PARN: variants seen among roughly 807,000 people sequenced by gnomAD.
PARN encodes the protein poly(A)-specific ribonuclease.
A neutral mutation model predicts 102.8 loss-of-function variants in PARN; 71 were observed. The ratio of observed to expected loss-of-function variants is 0.69; its 90% confidence interval spans 0.57 to 0.84. The LOEUF (loss-of-function observed/expected upper bound fraction) is 0.84. PARN is among the 40% of genes least tolerant of loss of function. PARN has a pLI of 0.00. For missense variants in PARN, 782 were observed against 760.9 expected (o/e 1.03, Z -0.33); for synonymous variants, 261 against 252.9 (o/e 1.03, Z -0.30).
intron 2 of PARN, among the ~76,000 whole-genome samples, chr16:14,629,076 T>C (rs1356947398): frequency 6.6e-6 from 1 of 152,172 alleles, no homozygotes; most frequent in Non-Finnish European, 1.5e-5. Context: ...TATGAGATGT[T>C]AAGGGCAGTC....
chr16:14,582,932 G>A (rs1446128669), intron 16 of PARN, among the ~76,000 whole-genome samples: 2 of 152,056 alleles, frequency 1.3e-5, no homozygotes, highest in Non-Finnish European at 2.9e-5. Flanking sequence ...AATACCTGAG[G>A]CAACCCTCCC....
intron 21 of PARN, among the ~76,000 whole-genome samples, chr16:14,514,343 C>A (rs530563565): frequency 3.9e-5 from 6 of 152,234 alleles, no homozygotes; most frequent in African/African-American, 1.4e-4. Context: ...CACCACCATG[C>A]CTGGCTAGTT....
In PARN at chr16:14,447,026, C is replaced by G. The variant is rs1961232996; in HGVS notation, c.1726G>C (p.Ala576Pro). ...KRNLSPSQEE[A>P]GLEDGVSGEI... ...CCTGACACTCCGTCCTCCAGGCCAG[C>G]TTCCTCTTGACTAGGACTCAAATTT... The change falls in exon 23 of 24, where the codon GCT becomes CCT. Residue 576 changes from alanine (A) to proline (P), a missense_variant. Physicochemically the swap from Ala to Pro is conservative, Grantham distance 27. Transcript: ENST00000437198. The G allele has an allele frequency of 1.2e-6, 2 of 1,613,800 alleles. No homozygotes were observed. The highest frequency in any genetic ancestry group is 8.5e-7 in the Non-Finnish European group (1 of 1,179,814).
At chr16:14,592,154 T>C (rs76975854) in intron 13 of PARN, 6,531 of 152,240 alleles carry the variant, frequency 0.043, 156 homozygotes, top group African/African-American at 0.051. Flanking sequence ...AAAACAGGGT[T>C]GGTAACTGGG....
At chr16:14,586,401 ACACT>A (rs1449405021) in intron 13 of PARN, 40 bp from the exon 14 acceptor site, 2 of 1,220,376 alleles carry the variant, frequency 1.6e-6, no homozygotes, top group African/African-American at 3.0e-5. Context: ...TTTTCCTAAT[ACACT>A]CGCAGTATTA....
At chr16:14,545,222 A>G (rs1966876096) in intron 21 of PARN, among the ~76,000 whole-genome samples, 1 of 152,190 alleles carries the variant, frequency 6.6e-6, no homozygotes, top group Non-Finnish European at 1.5e-5. Flanking sequence ...TATGAATAAG[A>G]CTAACCAATA....
At chr16:14,469,968 T>G (rs1481126545) in intron 22 of PARN, among the ~76,000 whole-genome samples, 1 of 152,216 alleles carries the variant, frequency 6.6e-6, no homozygotes, top group Non-Finnish European at 1.5e-5. Context: ...ATTAGCACCT[T>G]ATACTATCAC....
chr16:14,495,494 G>A lies in PARN; in HGVS notation c.1481-12667C>T, dbSNP rs535030460. On this transcript the variant is annotated intron_variant, in intron 21 of 23. Coordinates refer to ENST00000437198, the MANE Select transcript of PARN (RefSeq NM_002582.4). The stretch of plus-strand genomic sequence containing the variant: ...CTGTCTCCAAAAAACAGAGGTCAGA[G>A]TACTGAGCACTCAGGCAAGGTGAGA... Among the ~76,000 whole-genome samples, 77 of 152,318 alleles carry A rather than the reference G, an allele frequency of 5.1e-4. 2 individuals carry two copies. The highest frequency in any genetic ancestry group is 1.8e-3 in the African/African-American group (75 of 41,566).
At chr16:14,579,450 C>T (rs1969368113) in intron 18 of PARN, among the ~76,000 whole-genome samples, 1 of 152,002 alleles carries the variant, frequency 6.6e-6, no homozygotes, top group Admixed American at 6.6e-5. Context: ...TAAATATTTA[C>T]AAATGACTAC....
intron 5 of PARN, among the ~76,000 whole-genome samples, chr16:14,619,263 C>T (rs760639057): frequency 6.6e-6 from 1 of 151,870 alleles, no homozygotes; most frequent in African/African-American, 2.4e-5. Context: ...AAATATATCT[C>T]GAACCTAGCA....
At chr16:14,499,609 T>A (rs1964483732) in intron 21 of PARN, among the ~76,000 whole-genome samples, 1 of 152,252 alleles carries the variant, frequency 6.6e-6, no homozygotes, top group African/African-American at 2.4e-5. Context: ...TAAATATTCA[T>A]TTTGCTTTCT....
At chr16:14,539,937 G>A (rs12447623) in intron 21 of PARN, among the ~76,000 whole-genome samples, 26,353 of 152,060 alleles carry the variant, frequency 0.17, 2,934 homozygotes, top group Middle Eastern at 0.29. Context: ...TACTTACATA[G>A]CATTTGCATT....
At chr16:14,619,154 C>T (rs767858808) in intron 5 of PARN, among the ~76,000 whole-genome samples, 1 of 151,642 alleles carries the variant, frequency 6.6e-6, no homozygotes, top group Non-Finnish European at 1.5e-5. Flanking sequence ...AGTGGGCTAC[C>T]ATCATGCCAC....
Position 14,436,586 on chromosome 16 carries a change from A to G in PARN, c.*131T>C. 1 of 655,674 alleles carries G rather than the reference A, an allele frequency of 1.5e-6. No individual in the cohort carries two copies. The highest frequency in any genetic ancestry group is 1.9e-5 in the South Asian group (1 of 53,578). The allele number at this position is 655,674 out of a possible 1,614,324, so 40.6% of individuals were successfully genotyped here. Reference sequence around the variant, plus strand: ...AAATAAAACCTGTTTTCTCCCCCCCAGGAGACAACTTGGTTTCCAACCCCT... The same window carrying G: ...AAATAAAACCTGTTTTCTCCCCCCCGGGAGACAACTTGGTTTCCAACCCCT... On this transcript the variant is annotated 3_prime_UTR_variant, in exon 24 of 24. Coordinates refer to ENST00000437198, the MANE Select transcript of PARN (RefSeq NM_002582.4).
chr16:14,445,114 T>C (rs777293948), intron 23 of PARN, among the ~76,000 whole-genome samples: 2 of 150,768 alleles, frequency 1.3e-5, no homozygotes, highest in Non-Finnish European at 3.0e-5. Flanking sequence ...AGTTGTGAGC[T>C]ACCATGCCTG....
intron 14 of PARN, among the ~76,000 whole-genome samples, chr16:14,585,701 C>A (rs1969811806): frequency 6.6e-6 from 1 of 152,180 alleles, no homozygotes; most frequent in Admixed American, 6.5e-5. Flanking sequence ...TCAATAGTTA[C>A]AAGGTACATC....
intron 11 of PARN, among the ~76,000 whole-genome samples, chr16:14,600,921 C>T (rs763897213): frequency 2.6e-5 from 4 of 151,804 alleles, no homozygotes; most frequent in Non-Finnish European, 4.4e-5. Context: ...GCAACAAGAG[C>T]GAAACTCCAT....
intron 18 of PARN, among the ~76,000 whole-genome samples, chr16:14,563,440 T>C (rs1297193457): frequency 1.3e-5 from 2 of 151,696 alleles, no homozygotes; most frequent in African/African-American, 4.9e-5. Flanking sequence ...GTCTACATGA[T>C]GCTGACCACG....
intron 21 of PARN, among the ~76,000 whole-genome samples, chr16:14,536,720 A>G (rs1966625194): frequency 6.6e-6 from 1 of 152,248 alleles, no homozygotes; most frequent in Non-Finnish European, 1.5e-5. Flanking sequence ...TCTAATAAAA[A>G]TAAGTGGTAT....
Sources: gnomAD v4.1 joint callset for allele counts (sites outside exome capture counted in the v4.1 genomes callset) on GRCh38, gnomAD v4.1.1 for gene constraint, MANE v1.5 for transcripts, NCBI Gene and HGNC (gene_info 2026-07-23, HGNC 2026-07-21) for gene names.